NRG1: variants seen among roughly 807,000 people sequenced by gnomAD.
NRG1 encodes the protein pro-neuregulin-1, membrane-bound isoform.
In NRG1, 18 loss-of-function variants were observed where a neutral mutation model predicts 63.8. The observed-to-expected ratio is 0.28, with a 90% CI of 0.19 to 0.42. NRG1 has a LOEUF of 0.42. NRG1 is among the 10% of genes least tolerant of loss of function. NRG1 has a pLI of 1.00. For missense variants in NRG1, 762 were observed against 814.7 expected (o/e 0.94, Z 0.79); for synonymous variants, 302 against 301.3 (o/e 1.00, Z -0.02).
rs1004213704 is a variant in NRG1 at position 32,759,184 on chromosome 8, T to A, written c.922-122T>A. ...GAAATGGAATTTATTACAAATCAGC[T>A]GTACAAAAATAGATTTGTGTGTTTC... On this transcript the variant is annotated intron_variant, in intron 9 of 11. Coordinates refer to ENST00000356819, the Ensembl canonical transcript of NRG1. The A allele has an allele frequency of 1.5e-5, 17 of 1,110,782 alleles. No homozygotes were observed. In the African/African-American group the frequency reaches 2.0e-4, roughly 13 times the overall value. 68.8% of individuals were successfully genotyped at this position (1,110,782 alleles called of 1,614,324 possible). A position where few individuals can be genotyped will look rare whatever the true frequency, so the allele number is the denominator to read the frequency against.
intron 1 of NRG1, among the ~76,000 whole-genome samples, chr8:32,040,672 T>C (rs181765866): frequency 0.018 from 2,516 of 137,488 alleles, 84 homozygotes; most frequent in African/African-American, 0.063. Flanking sequence ...TATATGTATA[T>C]ACACACACAC....
At chr8:31,643,098 A>AAGAG (rs144175051) in intron 1 of NRG1, among the ~76,000 whole-genome samples, 1 of 151,382 alleles carries the variant, frequency 6.6e-6, no homozygotes, top group African/African-American at 2.4e-5. Flanking sequence ...AAAAATGGAA[A>AAGAG]AGAGAGAGAG....
intron 1 of NRG1, among the ~76,000 whole-genome samples, chr8:32,067,363 A>G (rs762198254): frequency 2.6e-5 from 4 of 152,194 alleles, no homozygotes; most frequent in African/African-American, 7.2e-5. Context: ...GGTACGTCCC[A>G]TCAATACCTA....
At chr8:32,648,989 T>G (rs1339679712) in intron 5 of NRG1, among the ~76,000 whole-genome samples, 1 of 152,222 alleles carries the variant, frequency 6.6e-6, no homozygotes, top group Non-Finnish European at 1.5e-5. Flanking sequence ...CCTGCCCAGA[T>G]GGCACTTTCA....
At chr8:32,604,919 A>T (rs558069075) in intron 2 of NRG1, among the ~76,000 whole-genome samples, 1 of 152,326 alleles carries the variant, frequency 6.6e-6, no homozygotes, top group South Asian at 2.1e-4. Context: ...AGAGTTTTAT[A>T]AAACTATGTG....
intron 1 of NRG1, among the ~76,000 whole-genome samples, chr8:32,478,742 A>G (rs1824859472): frequency 6.6e-6 from 1 of 152,200 alleles, no homozygotes; most frequent in Non-Finnish European, 1.5e-5. Context: ...AAACCATTCA[A>G]ATTGTCCTTT....
At chr8:32,377,562 G>C (rs1809786845) in intron 1 of NRG1, among the ~76,000 whole-genome samples, 1 of 152,170 alleles carries the variant, frequency 6.6e-6, no homozygotes, top group Admixed American at 6.5e-5. Flanking sequence ...CCAGAGTCAT[G>C]AACCAAAACA....
At chr8:31,965,803 C>T (rs327410) in intron 1 of NRG1, among the ~76,000 whole-genome samples, 129,225 of 152,238 alleles carry the variant, frequency 0.85, 55,727 homozygotes, top group African/African-American at 0.96. Context: ...AATGAAATCA[C>T]GTCCTTTGCA....
intron 1 of NRG1, among the ~76,000 whole-genome samples, chr8:32,032,291 C>T (rs1008073403): frequency 2.0e-5 from 3 of 151,732 alleles, no homozygotes; most frequent in African/African-American, 4.8e-5. Context: ...GACAAAGTCT[C>T]ACAGTGTCGT....
chr8:32,415,851 T>G (rs1405183938), intron 1 of NRG1, among the ~76,000 whole-genome samples: 1 of 152,192 alleles, frequency 6.6e-6, no homozygotes, highest in Non-Finnish European at 1.5e-5. Flanking sequence ...GCTGGCCAAG[T>G]ACATGTTAAC....
intron 1 of NRG1, among the ~76,000 whole-genome samples, chr8:31,820,205 A>G (rs1021348132): frequency 6.6e-6 from 1 of 152,152 alleles, no homozygotes; most frequent in Non-Finnish European, 1.5e-5. Context: ...GAGTAACGCG[A>G]TGAGGGCCAG....
intron 1 of NRG1, among the ~76,000 whole-genome samples, chr8:32,090,521 A>G (rs1828971357): frequency 6.6e-6 from 1 of 152,036 alleles, no homozygotes; most frequent in African/African-American, 2.4e-5. Context: ...GGGTTTTATC[A>G]TGTTGACCAG....
intron 1 of NRG1, among the ~76,000 whole-genome samples, chr8:32,402,610 G>A (rs1813360157): frequency 6.6e-6 from 1 of 152,170 alleles, no homozygotes; most frequent in African/African-American, 2.4e-5. Context: ...ATCGACCATG[G>A]CAGTATGGGG....
intron 1 of NRG1, among the ~76,000 whole-genome samples, chr8:31,759,510 C>T (rs1381575660): frequency 6.6e-6 from 1 of 152,012 alleles, no homozygotes; most frequent in Middle Eastern, 3.2e-3. Flanking sequence ...CATTTAATTG[C>T]ACTGGTGCCT....
intron 1 of NRG1, among the ~76,000 whole-genome samples, chr8:32,372,490 G>A (rs146723346): frequency 6.6e-6 from 1 of 152,276 alleles, no homozygotes; most frequent in African/African-American, 2.4e-5. Flanking sequence ...AGCAATTGGT[G>A]AGTTTGATCT....
At chr8:32,593,893 A>G (rs180994115) in intron 1 of NRG1, among the ~76,000 whole-genome samples, 2 of 150,312 alleles carry the variant, frequency 1.3e-5, no homozygotes, top group East Asian at 3.9e-4. Flanking sequence ...CAAAATATTC[A>G]GGTATCAAGG....
intron 1 of NRG1, among the ~76,000 whole-genome samples, chr8:31,707,326 T>C (rs1811249406): frequency 6.6e-6 from 1 of 152,264 alleles, no homozygotes; most frequent in Non-Finnish European, 1.5e-5. Context: ...TGTTGAGCAA[T>C]AGTTTTGAAT....
intron 1 of NRG1, among the ~76,000 whole-genome samples, chr8:32,532,708 A>T (rs1215852612): frequency 1.3e-5 from 2 of 152,062 alleles, no homozygotes; most frequent in African/African-American, 4.8e-5. Context: ...ATCATGTATT[A>T]ATAGAGATTT....
chr8:32,415,038 G>T (rs370802699), intron 1 of NRG1, among the ~76,000 whole-genome samples: 1 of 152,152 alleles, frequency 6.6e-6, no homozygotes, highest in South Asian at 2.1e-4. Flanking sequence ...GGCATTGTGA[G>T]GGAAGCATTT....
Sources: allele counts gnomAD v4.1 joint callset (sites outside exome capture counted in the v4.1 genomes callset), GRCh38; gene constraint gnomAD v4.1.1; transcripts MANE v1.5; gene names NCBI Gene and HGNC (gene_info 2026-07-23, HGNC 2026-07-21).